FAAH2: variants seen among roughly 807,000 people sequenced by gnomAD.
FAAH2 encodes fatty-acid amide hydrolase 2.
A neutral mutation model predicts 36.9 loss-of-function variants in FAAH2; 60 were observed. That is an observed-to-expected ratio of 1.63 (90% CI 1.32 to 2.02). The LOEUF is 2.02. Ranked by LOEUF, FAAH2 falls within the 30% of genes most tolerant of loss-of-function variation. FAAH2 has a pLI of 0.00. For synonymous variants in FAAH2, 214 were observed against 143.8 expected (o/e 1.49, Z -3.49); for missense variants, 689 against 397.5 (o/e 1.73, Z -6.23).
intron 3 of FAAH2, 89 bp downstream of exon 3, chrX:57,310,818 G>C: frequency 1.8e-5 from 17 of 966,855 alleles, no homozygotes; most frequent in Non-Finnish European, 2.4e-5. Context: ...TGGTATAAAA[G>C]TGAAGGACAA....
At chrX:57,150,065 C>T in the FAAH2 span, among the ~76,000 whole-genome samples, 15 of 111,960 alleles carry the variant, frequency 1.3e-4, no homozygotes, top group African/African-American at 3.9e-4. Flanking sequence ...TGTAGTTGAA[C>T]GGTTTTGAGA....
intron 3 of FAAH2, among the ~76,000 whole-genome samples, chrX:57,325,128 T>C (rs1242794342): frequency 8.9e-6 from 1 of 112,486 alleles, no homozygotes; most frequent in South Asian, 3.7e-4. Flanking sequence ...TCTGTTTATA[T>C]GCTGGATTGC....
chrX:57,168,536 G>A, the FAAH2 span, among the ~76,000 whole-genome samples: 8 of 111,894 alleles, frequency 7.1e-5, no homozygotes, highest in East Asian at 8.4e-4. Context: ...TAAAAGAGAA[G>A]GCTAGAATAA....
At chrX:57,460,484 A>G (rs1441999540) in intron 10 of FAAH2, among the ~76,000 whole-genome samples, 2 of 112,017 alleles carry the variant, frequency 1.8e-5, no homozygotes, top group Non-Finnish European at 3.8e-5. Context: ...ACAAGCCAGA[A>G]GAGAGTGGGG....
chrX:57,348,883 A>G (rs762856811), intron 5 of FAAH2, among the ~76,000 whole-genome samples: 2 of 107,783 alleles, frequency 1.9e-5, no homozygotes, highest in East Asian at 5.9e-4. Flanking sequence ...AAAAGCATGG[A>G]AATATGACAC....
chrX:57,328,272 G>T (rs1246083342), intron 3 of FAAH2, among the ~76,000 whole-genome samples: 2 of 111,608 alleles, frequency 1.8e-5, no homozygotes, highest in Non-Finnish European at 3.8e-5. Context: ...TCCCAGTTAG[G>T]GTACTCGGGG....
chrX:57,249,447 C>A, the FAAH2 span, among the ~76,000 whole-genome samples: 1 of 112,156 alleles, frequency 8.9e-6, no homozygotes, highest in African/African-American at 3.2e-5. Flanking sequence ...TTTTCCAAGG[C>A]TCTGAATTAA....
chrX:57,204,632 T>C, the FAAH2 span, among the ~76,000 whole-genome samples: 1 of 112,370 alleles, frequency 8.9e-6, no homozygotes, highest in Non-Finnish European at 1.9e-5. Context: ...TCCCAACTTT[T>C]TGTTATCAGA....
chrX:57,275,540 C>T, the FAAH2 span, among the ~76,000 whole-genome samples: 1 of 112,375 alleles, frequency 8.9e-6, no homozygotes, highest in Admixed American at 9.4e-5. Context: ...AACCAGCTGA[C>T]ATCATAACGA....
At chrX:57,229,258 C>T in the FAAH2 span, 1 of 111,865 alleles carries the variant, frequency 8.9e-6, no homozygotes, top group Non-Finnish European at 1.9e-5. Context: ...GGTGAAAGCT[C>T]CTCAGAGAGT....
At chrX:57,148,077 T>C in the FAAH2 span, among the ~76,000 whole-genome samples, 1 of 111,565 alleles carries the variant, frequency 9.0e-6, no homozygotes, top group African/African-American at 3.3e-5. Context: ...GTTGTAGATA[T>C]GCGGCATTAT....
intron 10 of FAAH2, among the ~76,000 whole-genome samples, chrX:57,470,001 T>C (rs1333706575): frequency 9.0e-6 from 1 of 111,682 alleles, no homozygotes; most frequent in African/African-American, 3.3e-5. Context: ...GAATGACTAC[T>C]GGGTACATAA....
rs1392485836 is a variant in FAAH2, at chrX:57,448,633, T to G, written c.1338T>G (p.Asp446Glu). 8.3e-7 allele frequency: 1 copy of G among 1,211,632 alleles called. No individual in the cohort carries two copies. Among genetic ancestry groups the G allele is most frequent in the South Asian group, 1.8e-5 (1 of 56,977 alleles). ...AGCTGGTGGATATGCTAGGTGATGA[T>G]GGTGTGTTCTTATATCCCTCACATC... ...RKELVDMLGD[D>E]GVFLYPSHPT... The change falls in exon 10 of 11, where the codon GAT becomes GAG. Residue 446 changes from aspartate to glutamate, a missense_variant. Physicochemically the swap from Asp to Glu is conservative, Grantham distance 45. Transcript: ENST00000374900.
chrX:57,419,791 C>T lies in FAAH2; in HGVS notation c.997-12127C>T, dbSNP rs894732433. Among the ~76,000 whole-genome samples the T allele has an allele frequency of 9.3e-4, 104 of 111,658 alleles. 1 individual carries two copies. Among genetic ancestry groups the T allele is most frequent in the Non-Finnish European group, 1.8e-3 (95 of 53,113 alleles). ...TGGTGTTTTAGACATGAAGTCCTTG[C>T]CCATGCCTATGTCCTGAATGGTAAT... On this transcript the variant is annotated intron_variant, in intron 7 of 10. Coordinates refer to ENST00000374900, the MANE Select transcript of FAAH2 (RefSeq NM_174912.4).
chrX:57,163,162 T>G, the FAAH2 span, among the ~76,000 whole-genome samples: 1 of 112,061 alleles, frequency 8.9e-6, no homozygotes, highest in Non-Finnish European at 1.9e-5. Context: ...TGACTCCCAG[T>G]TATGCTGCTT....
intron 2 of FAAH2, among the ~76,000 whole-genome samples, chrX:57,310,007 C>T (rs137869613): frequency 4.5e-5 from 5 of 111,934 alleles, no homozygotes; most frequent in Non-Finnish European, 9.4e-5. Flanking sequence ...ATTGTCACAC[C>T]GTTTTTCACA....
At chrX:57,398,492 C>T (rs1004295402) in intron 7 of FAAH2, among the ~76,000 whole-genome samples, 14 of 111,338 alleles carry the variant, frequency 1.3e-4, no homozygotes, top group Middle Eastern at 4.6e-3. Context: ...CCATGCATTG[C>T]GGATCTGGTT....
chrX:57,247,365 A>C, the FAAH2 span, among the ~76,000 whole-genome samples: 1 of 112,029 alleles, frequency 8.9e-6, no homozygotes, highest in Non-Finnish European at 1.9e-5. Flanking sequence ...ACTGTCCTGC[A>C]AGTGAGGCAT....
intron 7 of FAAH2, among the ~76,000 whole-genome samples, chrX:57,413,378 C>T (rs961443757): frequency 8.9e-6 from 1 of 112,040 alleles, no homozygotes; most frequent in African/African-American, 3.2e-5. Flanking sequence ...AGTCTTTAAT[C>T]CATCTTGAGT....
Sources: gnomAD v4.1 joint callset for allele counts (sites outside exome capture counted in the v4.1 genomes callset) on GRCh38, gnomAD v4.1.1 for gene constraint, MANE v1.5 for transcripts, NCBI Gene and HGNC (gene_info 2026-07-23, HGNC 2026-07-21) for gene names.